Variants in CDK14 observed in about 807,000 individuals in gnomAD.
The protein encoded by CDK14 is cyclin-dependent kinase 14.
CDK14 carries 34 observed loss-of-function variants against 60.7 expected under a neutral mutation model. The ratio of observed to expected loss-of-function variants is 0.56; its 90% CI spans 0.43 to 0.75. CDK14 has a LOEUF of 0.75. Among genes scored for constraint, CDK14 ranks in the 30% least tolerant of loss-of-function variants. The pLI, the probability that CDK14 is intolerant of heterozygous loss-of-function variation, is 0.00. For missense variants in CDK14, 482 were observed against 564.1 expected (o/e 0.85, Z 1.47); for synonymous variants, 197 against 203.7 (o/e 0.97, Z 0.28).
chr7:90,608,492 T>A lies in CDK14; in HGVS notation c.123+4243T>A, dbSNP rs568404934. 33 of 911,606 alleles carry A rather than the reference T, an allele frequency of 3.6e-5. 1 individual carries two copies. The African/African-American group carries it at 5.3e-4, about 15-fold the overall frequency. 56.5% of individuals were successfully genotyped at this position (911,606 alleles called of 1,614,324 possible). ...TGTTCTCATGGGTAAATTAAAAGGT[T>A]AACTCATGCAGTTCTGCTTTATCCC... is the stretch of plus-strand genomic sequence containing the variant. On this transcript the variant is annotated intron_variant, in intron 2 of 14. Coordinates refer to ENST00000380050, the MANE Select transcript of CDK14 (RefSeq NM_001287135.2).
chr7:90,817,925 T>G (rs1015233457), intron 5 of CDK14, among the ~76,000 whole-genome samples: 2 of 152,156 alleles, frequency 1.3e-5, no homozygotes, highest in African/African-American at 4.8e-5. Flanking sequence ...TCTCCCACCA[T>G]CTACCCTTTC....
intron 12 of CDK14, among the ~76,000 whole-genome samples, chr7:91,089,074 A>G (rs1479629783): frequency 1.3e-5 from 2 of 152,184 alleles, no homozygotes; most frequent in Non-Finnish European, 2.9e-5. Context: ...AAAAGATTAA[A>G]CTTTTAGGGA....
intron 14 of CDK14, among the ~76,000 whole-genome samples, chr7:91,193,820 C>T (rs1802448982): frequency 6.6e-6 from 1 of 152,076 alleles, no homozygotes. Flanking sequence ...GATAGCCCTC[C>T]AGTGACCATG....
At chr7:90,989,184 C>T (rs1795463825) in intron 10 of CDK14, among the ~76,000 whole-genome samples, 1 of 152,080 alleles carries the variant, frequency 6.6e-6, no homozygotes, top group South Asian at 2.1e-4. Context: ...GGCTCCGATT[C>T]CAGGGTCTTT....
intron 2 of CDK14, among the ~76,000 whole-genome samples, chr7:90,627,478 G>C (rs1312634129): frequency 1.3e-5 from 2 of 152,156 alleles, no homozygotes; most frequent in Non-Finnish European, 1.5e-5. Context: ...CTCCCAAACT[G>C]CTGGGATTAC....
intron 4 of CDK14, among the ~76,000 whole-genome samples, chr7:90,770,572 A>G (rs1379791849): frequency 6.6e-6 from 1 of 152,240 alleles, no homozygotes; most frequent in Admixed American, 6.5e-5. Flanking sequence ...AAGATCAAAT[A>G]TCACATTACT....
chr7:90,729,067 C>CAA (rs1216921083), intron 3 of CDK14, among the ~76,000 whole-genome samples: 1 of 150,778 alleles, frequency 6.6e-6, no homozygotes, highest in Non-Finnish European at 1.5e-5. Flanking sequence ...TATGACTCTT[C>CAA]AATCTGATAT....
chr7:90,820,542 C>T (rs1262306142), intron 5 of CDK14, among the ~76,000 whole-genome samples: 1 of 152,302 alleles, frequency 6.6e-6, no homozygotes, highest in South Asian at 2.1e-4. Flanking sequence ...CCTTTCTTCT[C>T]CTTCACCTTC....
chr7:90,650,805 C>G (rs1006837355), intron 2 of CDK14, among the ~76,000 whole-genome samples: 3 of 152,076 alleles, frequency 2.0e-5, no homozygotes, highest in African/African-American at 7.2e-5. Context: ...CTGTTGTGTT[C>G]CATTAGTCTA....
At chr7:91,018,124 A>G (rs1796348482) in intron 10 of CDK14, among the ~76,000 whole-genome samples, 1 of 152,232 alleles carries the variant, frequency 6.6e-6, no homozygotes, top group South Asian at 2.1e-4. Context: ...AGCAAAAGAA[A>G]CAGGAAGGAA....
At chr7:90,960,711 C>T (rs1450433332) in intron 9 of CDK14, among the ~76,000 whole-genome samples, 1 of 151,934 alleles carries the variant, frequency 6.6e-6, no homozygotes, top group Admixed American at 6.6e-5. Context: ...CAAAGTTCTG[C>T]CATTATCTTT....
chr7:90,849,064 A>G (rs1790558929), intron 5 of CDK14, among the ~76,000 whole-genome samples: 2 of 152,226 alleles, frequency 1.3e-5, no homozygotes, highest in South Asian at 4.1e-4. Context: ...GCCAAATCTC[A>G]TGTTGAAATG....
chr7:90,956,764 CT>C (rs1794430154), intron 9 of CDK14, among the ~76,000 whole-genome samples: 1 of 139,200 alleles, frequency 7.2e-6, no homozygotes, highest in Non-Finnish European at 1.6e-5. Context: ...TCCCTCCCCC[CT>C]CCCCCCAACC....
At chr7:90,675,360 C>T (rs962290459) in intron 2 of CDK14, among the ~76,000 whole-genome samples, 1 of 150,810 alleles carries the variant, frequency 6.6e-6, no homozygotes, top group African/African-American at 2.4e-5. Flanking sequence ...AAAGTATTTT[C>T]ATTTGTTTGA....
intron 2 of CDK14, among the ~76,000 whole-genome samples, chr7:90,614,459 G>A (rs2116350797): frequency 6.6e-6 from 1 of 152,046 alleles, no homozygotes; most frequent in South Asian, 2.1e-4. Flanking sequence ...TCATTTTAAG[G>A]GAATAATTGA....
chr7:90,623,478 A>AGAAG (rs1304404299), intron 2 of CDK14, among the ~76,000 whole-genome samples: 2 of 152,190 alleles, frequency 1.3e-5, no homozygotes, highest in African/African-American at 4.8e-5. Flanking sequence ...ATAGTGGGAA[A>AGAAG]GAAGGAAGGA....
At position 90,984,181 on chromosome 7, in the gene CDK14, A is replaced by G. The variant is rs762775414; in HGVS notation, c.981A>G (p.Gln327=). Residue 327 remains glutamine (Q), a synonymous_variant, in exon 10 of 15, where the codon CAA becomes CAG. Coordinates refer to ENST00000380050, the MANE Select transcript of CDK14 (RefSeq NM_001287135.2). ...GVGCIFVEMI[Q]GVAAFPGMKD... ...GTTGCATCTTTGTTGAAATGATCCA[A>G]GGAGTTGCTGCTTTTCCAGGAATGA... 1.2e-6 allele frequency: 2 copies of G among 1,612,876 alleles called. No individual in the cohort carries two copies. The highest frequency in any genetic ancestry group is 3.3e-5 in the Admixed American group (2 of 60,014).
intron 10 of CDK14, among the ~76,000 whole-genome samples, chr7:91,022,431 A>G (rs958432705): frequency 6.6e-6 from 1 of 152,248 alleles, no homozygotes; most frequent in Admixed American, 6.5e-5. Context: ...AAATGCCTAC[A>G]GAAATTGTCA....
chr7:90,852,747 A>G (rs186414034), intron 5 of CDK14, among the ~76,000 whole-genome samples: 2 of 152,312 alleles, frequency 1.3e-5, no homozygotes, highest in East Asian at 1.9e-4. Context: ...AGTGACATTC[A>G]TGTAAGTGGC....
Sources: gnomAD v4.1 joint callset for allele counts (sites outside exome capture counted in the v4.1 genomes callset) on GRCh38, gnomAD v4.1.1 for gene constraint, MANE v1.5 for transcripts, NCBI Gene and HGNC (gene_info 2026-07-23, HGNC 2026-07-21) for gene names.